LAIR1: variants seen among roughly 807,000 people sequenced by gnomAD.
The protein encoded by LAIR1 is leukocyte-associated immunoglobulin-like receptor 1.
A neutral mutation model predicts 32.8 loss-of-function variants in LAIR1; 24 were observed. The ratio of observed to expected loss-of-function variants is 0.73; its 90% CI spans 0.53 to 1.03. The LOEUF (loss-of-function observed/expected upper bound fraction) is 1.03, where lower values mean the gene tolerates loss of function less well. Ranked by LOEUF, LAIR1 falls within the 50% of genes least tolerant of loss-of-function variation. The probability of loss-of-function intolerance (pLI) is 0.00; values close to 1 mark genes in which losing one functional copy is unlikely to be tolerated. For synonymous variants in LAIR1, 150 were observed against 140.5 expected (o/e 1.07, Z -0.48); for missense variants, 355 against 347.5 (o/e 1.02, Z -0.17).
At chr19:54,363,700 A>C (rs2082129027) in intron 2 of LAIR1, among the ~76,000 whole-genome samples, 1 of 152,246 alleles carries the variant, frequency 6.6e-6, no homozygotes, top group South Asian at 2.1e-4. Context: ...CCGGGCACAG[A>C]AAGACAATTA....
Position 54,354,204 on chromosome 19 carries a change from G to A in LAIR1, c.*1064C>T, listed in dbSNP as rs150443179. The A allele has an allele frequency of 1.2e-4, 19 of 152,338 alleles. No individual in the cohort carries two copies. The East Asian group carries it at 3.7e-3, about 29-fold the overall frequency. 9.4% of individuals were successfully genotyped at this position (152,338 alleles called of 1,614,324 possible). ...GGCTCAGTGATTCCTTGGATTTCCT[G>A]GGGCGTGTGAGTGTATGTGCATGTC... On this transcript the variant is annotated 3_prime_UTR_variant, in exon 10 of 10. Coordinates refer to ENST00000391742, the MANE Select transcript of LAIR1 (RefSeq NM_002287.6).
At chr19:54,368,969 G>C (rs1426295339), upstream of LAIR1, among the ~76,000 whole-genome samples, 1 of 151,182 alleles carries the variant, frequency 6.6e-6, no homozygotes, top group Admixed American at 6.6e-5. Context: ...TTACAGGCGT[G>C]AGCCACTGCA....
chr19:54,367,059 A>G (rs1261967913), upstream of LAIR1, among the ~76,000 whole-genome samples: 5 of 152,224 alleles, frequency 3.3e-5, no homozygotes, highest in Admixed American at 3.3e-4. Flanking sequence ...GTACCAAAAC[A>G]TCTCATCTAC....
rs1416873823 is a variant in LAIR1 at position 54,360,806 on chromosome 19, G to A, written c.364+110C>T. On this transcript the variant is annotated intron_variant, in intron 3 of 9. Coordinates refer to ENST00000391742, the MANE Select transcript of LAIR1 (RefSeq NM_002287.6). ...GGGAGGGGAGGGCTTGGGGTCAGGA[G>A]GAGGACAAGGTTGGCCACAGAGGAC... 6 of 1,045,632 alleles carry A rather than the reference G, an allele frequency of 5.7e-6. No individual in the cohort carries two copies. The Admixed American group carries it at 1.0e-4, about 18-fold the overall frequency. 64.8% of individuals were successfully genotyped at this position (1,045,632 alleles called of 1,614,324 possible). A position where few individuals can be genotyped will look rare whatever the true frequency, so the allele number is the denominator to read the frequency against.
chr19:54,358,019 A>G (rs1346215252), intron 4 of LAIR1: 1 of 148,546 alleles, frequency 6.7e-6, no homozygotes, highest in Non-Finnish European at 1.5e-5. Context: ...TATATAACAA[A>G]TATATTTTTA....
exon 1 of LAIR1, chr19:54,370,550 G>A (rs1200220188): frequency 2.6e-6 from 1 of 377,872 alleles, no homozygotes; most frequent in Non-Finnish European, 4.7e-6. Context: ...AAAAGCTTCT[G>A]CTATACCAGG....
rs760497147 is a variant in LAIR1 at position 54,356,928 on chromosome 19, G to A, written c.454C>T (p.His152Tyr). Residue 152 changes from histidine (H) to tyrosine (Y), a missense_variant and splice_region_variant, in exon 5 of 10, where the codon CAT (histidine) becomes TAT (tyrosine). His to Tyr is a moderately conservative substitution (Grantham distance 83). Coordinates refer to ENST00000391742, the MANE Select transcript of LAIR1 (RefSeq NM_002287.6). ...QRPSDNSHNE[H>Y]APASQGLKAE... ...ATGCTCCACGGCCCCCATCACTCAC[G>A]CTCATTGTGACTGTTGTCCGACGGC... 1.1e-5 allele frequency: 18 copies of A among 1,613,746 alleles called. No individual in the cohort carries two copies. Among genetic ancestry groups the A allele is most frequent in the Middle Eastern group, 3.3e-4 (2 of 6,084 alleles).
In LAIR1 at chr19:54,356,937, G is replaced by A. The variant is rs2081746641; in HGVS notation, c.445C>T (p.His149Tyr). The A allele has an allele frequency of 2.5e-6, 4 of 1,613,836 alleles. No individual in the cohort carries two copies. Among genetic ancestry groups the A allele is most frequent in the South Asian group, 1.1e-5 (1 of 91,028 alleles). ...GGCCCCCATCACTCACGCTCATTGT[G>A]ACTGTTGTCCGACGGCCTCTGCGTG... is the stretch of plus-strand genomic sequence containing the variant. ...GPTQRPSDNS[H>Y]NEHAPASQGL... is the part of the protein sequence containing the mutation. Residue 149 changes from histidine (H) to tyrosine (Y), a missense_variant, in exon 5 of 10, where the codon CAC becomes TAC. By Grantham distance (83) the His-to-Tyr change is moderately conservative. Coordinates refer to ENST00000391742, the MANE Select transcript of LAIR1 (RefSeq NM_002287.6).
In LAIR1 at chr19:54,360,735, C is replaced by A. The variant is rs2081970881; in HGVS notation, c.364+181G>T. 8.2e-6 allele frequency: 5 copies of A among 610,952 alleles called. No individual in the cohort carries two copies. In the South Asian group the frequency reaches 9.7e-5, roughly 12 times the overall value. The allele number at this position is 610,952 out of a possible 1,614,324, so 37.8% of individuals were successfully genotyped here. A position where few individuals can be genotyped will look rare whatever the true frequency, so the allele number is the denominator to read the frequency against. ...CAGAGGAGACCAGGGCTCCAGGAACCTAAGCAGGTGTGAGGGCAGAGGGGA... is the reference window on the plus strand; with the variant it reads ...CAGAGGAGACCAGGGCTCCAGGAACATAAGCAGGTGTGAGGGCAGAGGGGA... On this transcript the variant is annotated intron_variant, in intron 3 of 9. Transcript: ENST00000391742.
In LAIR1 at chr19:54,356,150, C is replaced by G. The variant is rs1230728310; in HGVS notation, c.664+80G>C. ...AGAATGTTCCCAAAGATTCTTCCCC[C>G]CACCCCCCACATTGCATCTGGATTG... On this transcript the variant is annotated intron_variant, in intron 8 of 9. Transcript: ENST00000391742. 13 of 1,411,718 alleles carry G rather than the reference C, an allele frequency of 9.2e-6. No homozygotes were observed. The Admixed American group carries it at 2.3e-4, about 25-fold the overall frequency. 87.4% of individuals were successfully genotyped at this position (1,411,718 alleles called of 1,614,324 possible). A position where few individuals can be genotyped will look rare whatever the true frequency, so the allele number is the denominator to read the frequency against.
chr19:54,373,254 A>G (rs566820875), upstream of LAIR1, among the ~76,000 whole-genome samples: 2 of 151,446 alleles, frequency 1.3e-5, no homozygotes, highest in East Asian at 1.9e-4. Context: ...CATCCTGGCC[A>G]ACACGGTGAA....
At chr19:54,357,804 A>G (rs1417059659) in intron 4 of LAIR1, among the ~76,000 whole-genome samples, 1 of 151,702 alleles carries the variant, frequency 6.6e-6, no homozygotes, top group African/African-American at 2.4e-5. Context: ...AAAGGCAGAC[A>G]TTCTCTCTTG....
chr19:54,355,447 C>T lies in LAIR1; in HGVS notation c.718-33G>A. 1 of 1,562,008 alleles carries T rather than the reference C, an allele frequency of 6.4e-7. No homozygotes were observed. Among genetic ancestry groups the T allele is most frequent in the South Asian group, 1.2e-5 (1 of 82,890 alleles). ...GGAGAGACCCAGGGTGAGGGAGTGC[C>T]TGGTGGAGGGTGAGACGAGGGGCTG... On this transcript the variant is annotated intron_variant, in intron 9 of 9. Transcript: ENST00000391742. The surrounding 1 kb of genome is among the most constrained non-coding windows in gnomAD (Gnocchi z 4.7).
At position 54,361,198 on chromosome 19, in the gene LAIR1, T is replaced by A. The variant is rs1257358703; in HGVS notation, c.82A>T (p.Arg28Ter). Reference protein sequence around the residue: ...TIHTQEEDLPRPSISAEPGTV... With the variant: ...TIHTQEEDLP The stretch of plus-strand genomic sequence containing the variant: ...CCTGGCTCAGCCGAGATGGAGGGTC[T>A]GGGCAGATCTTCTAGGAGGGAAGCA... The change falls in exon 3 of 10, where the codon AGA becomes TGA. Residue 28 changes from arginine to a stop codon, truncating the protein, a stop_gained. Transcript: ENST00000391742. LOFTEE classifies it high-confidence loss of function. 4 of 1,614,150 alleles carry A rather than the reference T, an allele frequency of 2.5e-6. No individual in the cohort carries two copies. The highest frequency in any genetic ancestry group is 3.4e-6 in the Non-Finnish European group (4 of 1,180,008).
chr19:54,358,158 C>T (rs1024739263), intron 4 of LAIR1: 1 of 141,192 alleles, frequency 7.1e-6, no homozygotes, highest in African/African-American at 2.6e-5. Context: ...TTGATATAAA[C>T]CTATGATTAA....
In LAIR1 at chr19:54,353,944, A is replaced by G. The variant is rs918547780; in HGVS notation, c.*1324T>C. On this transcript the variant is annotated 3_prime_UTR_variant, in exon 10 of 10. Coordinates refer to ENST00000391742, the MANE Select transcript of LAIR1 (RefSeq NM_002287.6). ...GAGATGGGGTTTCACCGTGTTAGCC[A>G]GGATGGTCTCGATCTCCTGACCTCG... 2 of 150,572 alleles carry G rather than the reference A, an allele frequency of 1.3e-5. No homozygotes were observed. Among genetic ancestry groups the G allele is most frequent in the South Asian group, 2.1e-4 (1 of 4,754 alleles). The allele number at this position is 150,572 out of a possible 1,614,324, so 9.3% of individuals were successfully genotyped here.
At position 54,355,990 on chromosome 19, in the gene LAIR1, A is replaced by G. The variant is rs765685143; in HGVS notation, c.681T>C (p.Asn227=). 1.2e-6 allele frequency: 2 copies of G among 1,610,628 alleles called. No homozygotes were observed. The highest frequency in any genetic ancestry group is 1.7e-6 in the Non-Finnish European group (2 of 1,176,748). The change falls in exon 9 of 10, where the codon AAT becomes AAC. Residue 227 remains asparagine, a synonymous_variant. Transcript: ENST00000391742. This position sits in a 1 kb window ranked among gnomAD's most constrained non-coding sequence, Gnocchi z 4.7. ...LERTADKATV[N]GLPEKDRETD... ...TCTCTCTGTCCTTCTCAGGAAGTCC[A>G]TTGACTGTGGCCTTGTCTTGGGGAG...
At chr19:54,356,766 C>G in intron 5 of LAIR1, 147 bp from the exon 6 acceptor site, 1 of 1,156,586 alleles carries the variant, frequency 8.6e-7, no homozygotes. Flanking sequence ...GGATCGTTAT[C>G]CCCTTCTTCC....
intron 3 of LAIR1, chr19:54,360,672 A>G (rs1410048410): frequency 2.3e-5 from 13 of 559,132 alleles, no homozygotes; most frequent in Non-Finnish European, 3.8e-5. Flanking sequence ...TGAGCCCACC[A>G]GATGCTGGAG....
Sources: gnomAD v4.1 joint callset for allele counts (sites outside exome capture counted in the v4.1 genomes callset) on GRCh38, gnomAD v4.1.1 for gene constraint, Gnocchi (gnomAD v3.1) non-coding constraint, MANE v1.5 for transcripts, NCBI Gene and HGNC (gene_info 2026-07-23, HGNC 2026-07-21) for gene names.